THSD7B: variants seen among roughly 807,000 people sequenced by gnomAD.
THSD7B encodes the protein thrombospondin type-1 domain-containing protein 7B.
Under a neutral mutation model 213.6 loss-of-function variants are expected in THSD7B, and 138 were observed. The observed-to-expected ratio is 0.65, with a 90% CI of 0.56 to 0.74. The LOEUF is 0.74. THSD7B is among the 30% of genes least tolerant of loss of function. The pLI, the probability that THSD7B is intolerant of heterozygous loss-of-function variation, is 0.00. For missense variants in THSD7B, 1,931 were observed against 1,991.5 expected, an observed-to-expected ratio of 0.97 and a Z score of 0.58; for synonymous variants, 742 against 687.0, an observed-to-expected ratio of 1.08 and a Z score of -1.25.
At chr2:137,346,679 A>G (rs1684883862) in intron 12 of THSD7B, among the ~76,000 whole-genome samples, 1 of 151,554 alleles carries the variant, frequency 6.6e-6, no homozygotes, top group Non-Finnish European at 1.5e-5. Flanking sequence ...TTGAAGTTTT[A>G]TTTTCTCCTC....
At chr2:137,028,697 G>C (rs1243470521) in intron 2 of THSD7B, among the ~76,000 whole-genome samples, 3 of 152,168 alleles carry the variant, frequency 2.0e-5, no homozygotes, top group Admixed American at 2.0e-4. Context: ...GTAAGAAAGA[G>C]CCCAGCATGC....
intron 3 of THSD7B, among the ~76,000 whole-genome samples, chr2:137,076,793 A>G (rs1687634455): frequency 6.6e-6 from 1 of 152,050 alleles, no homozygotes; most frequent in African/African-American, 2.4e-5. Context: ...CTGCAAATTT[A>G]CAGATACAGT....
chr2:137,391,892 T>C (rs1367204989), intron 12 of THSD7B, among the ~76,000 whole-genome samples: 1 of 152,210 alleles, frequency 6.6e-6, no homozygotes, highest in Non-Finnish European at 1.5e-5. Flanking sequence ...GCTACAGACT[T>C]CTTTCTTAGC....
At chr2:137,302,113 T>C (rs959664007) in intron 12 of THSD7B, among the ~76,000 whole-genome samples, 1 of 151,984 alleles carries the variant, frequency 6.6e-6, no homozygotes, top group African/African-American at 2.4e-5. Flanking sequence ...GCCCTATAAA[T>C]GTTATGAGGG....
chr2:137,132,005 C>T (rs967592101), intron 5 of THSD7B, among the ~76,000 whole-genome samples: 2 of 150,234 alleles, frequency 1.3e-5, no homozygotes, highest in African/African-American at 2.4e-5. Flanking sequence ...ATTCTTCCTA[C>T]CCATGAGCAT....
intron 1 of THSD7B, among the ~76,000 whole-genome samples, chr2:136,822,865 T>C (rs999094864): frequency 6.6e-6 from 1 of 152,214 alleles, no homozygotes; most frequent in African/African-American, 2.4e-5. Context: ...GATATCTGAC[T>C]TCCCTAGAAA....
intron 15 of THSD7B, among the ~76,000 whole-genome samples, chr2:137,464,720 A>T (rs1259384721): frequency 6.6e-6 from 1 of 152,122 alleles, no homozygotes; most frequent in Non-Finnish European, 1.5e-5. Flanking sequence ...CTCCATATTG[A>T]AGAGCTGCTC....
At chr2:137,223,609 T>G (rs988406236) in intron 7 of THSD7B, among the ~76,000 whole-genome samples, 6 of 152,188 alleles carry the variant, frequency 3.9e-5, no homozygotes, top group African/African-American at 1.4e-4. Context: ...AAGCCAACAT[T>G]TTTTCCCTGC....
intron 20 of THSD7B, among the ~76,000 whole-genome samples, chr2:137,633,026 C>A (rs1682769602): frequency 6.6e-6 from 1 of 152,282 alleles, no homozygotes; most frequent in African/African-American, 2.4e-5. Flanking sequence ...TGCATCAATA[C>A]CACACATGTG....
At chr2:137,342,315 G>C (rs1330202627) in intron 12 of THSD7B, among the ~76,000 whole-genome samples, 1 of 151,078 alleles carries the variant, frequency 6.6e-6, no homozygotes, top group Non-Finnish European at 1.5e-5. Context: ...TTTATTGTTA[G>C]TAAACAGAAA....
chr2:137,553,530 G>A (rs764687942), intron 15 of THSD7B, among the ~76,000 whole-genome samples: 14 of 152,020 alleles, frequency 9.2e-5, no homozygotes, highest in East Asian at 5.8e-4. Flanking sequence ...ATATGACTCC[G>A]GAACTGGCAA....
At chr2:137,155,798 A>T (rs1310444313) in intron 5 of THSD7B, among the ~76,000 whole-genome samples, 1 of 152,196 alleles carries the variant, frequency 6.6e-6, no homozygotes, top group African/African-American at 2.4e-5. Context: ...AAAGTGTTAA[A>T]TTTATTTAAA....
chr2:137,413,267 G>GT (rs1159581771), intron 14 of THSD7B, among the ~76,000 whole-genome samples: 3 of 152,066 alleles, frequency 2.0e-5, no homozygotes, highest in Admixed American at 6.5e-5. Context: ...GCTAATCTTT[G>GT]TTTTTTAGCT....
At chr2:136,976,284 A>C (rs1452797038) in intron 2 of THSD7B, among the ~76,000 whole-genome samples, 2 of 152,184 alleles carry the variant, frequency 1.3e-5, no homozygotes, top group African/African-American at 4.8e-5. Context: ...TTGCCCATTC[A>C]TTATGATATT....
chr2:136,887,450 T>G (rs950573607), intron 2 of THSD7B, among the ~76,000 whole-genome samples: 4 of 152,100 alleles, frequency 2.6e-5, no homozygotes, highest in African/African-American at 9.7e-5. Context: ...TGGGGTCAGG[T>G]GGCAGGTGTT....
chr2:137,229,350 GGTGT>G lies in THSD7B; in HGVS notation c.1724-1675_1724-1672del, dbSNP rs143029313. Among the ~76,000 whole-genome samples, 17 of 150,114 alleles carry G rather than the reference GGTGT, an allele frequency of 1.1e-4. No homozygotes were observed. The South Asian group carries it at 1.3e-3, about 11-fold the overall frequency. On this transcript the variant is annotated intron_variant, in intron 7 of 27. Coordinates refer to ENST00000409968, the MANE Select transcript of THSD7B (RefSeq NM_001316349.2). ...CTATACTTGTGAAAGTGCTGTATTG[GGTGT>G]GTGTGTGTGTGTGTGTGTTACACAC... is the stretch of plus-strand genomic sequence containing the variant.
chr2:136,961,532 T>C (rs948623974), intron 2 of THSD7B, among the ~76,000 whole-genome samples: 10 of 152,100 alleles, frequency 6.6e-5, no homozygotes, highest in African/African-American at 2.2e-4. Flanking sequence ...TATTTTTCAA[T>C]ATAAATCGTA....
chr2:137,184,941 A>G (rs1447897366), intron 7 of THSD7B, among the ~76,000 whole-genome samples: 2 of 152,138 alleles, frequency 1.3e-5, no homozygotes, highest in Non-Finnish European at 2.9e-5. Context: ...TCTCTTTTGA[A>G]TTATATATAG....
chr2:136,872,429 C>G (rs1433937488), intron 1 of THSD7B, among the ~76,000 whole-genome samples: 1 of 152,136 alleles, frequency 6.6e-6, no homozygotes, highest in Non-Finnish European at 1.5e-5. Flanking sequence ...AGGGAACTCT[C>G]CATACCCTTG....
Sources: allele counts gnomAD v4.1 joint callset (sites outside exome capture counted in the v4.1 genomes callset), GRCh38; gene constraint gnomAD v4.1.1; transcripts MANE v1.5; gene names NCBI Gene and HGNC (gene_info 2026-07-23, HGNC 2026-07-21).